The following LRTM1 variants were observed in gnomAD, a reference collection of about 807,000 sequenced individuals.
The protein encoded by LRTM1 is leucine-rich repeat and transmembrane domain-containing protein 1.
In LRTM1, 38 loss-of-function variants were observed where a neutral mutation model predicts 32.4. That is an observed-to-expected ratio of 1.17 (90% CI 0.91 to 1.54). The LOEUF is 1.54. Among genes scored for constraint, LRTM1 ranks in the 40% most tolerant of loss-of-function variants. The probability of loss-of-function intolerance (pLI) is 0.00; values close to 1 mark genes in which losing one functional copy is unlikely to be tolerated. For missense variants in LRTM1, 466 were observed against 415.4 expected, an observed-to-expected ratio of 1.12 and a Z score of -1.06; for synonymous variants, 186 against 169.9, an observed-to-expected ratio of 1.09 and a Z score of -0.74.
intron 1 of LRTM1, among the ~76,000 whole-genome samples, chr3:54,957,544 C>G (rs111530337): frequency 3.9e-5 from 6 of 152,128 alleles, no homozygotes; most frequent in African/African-American, 1.4e-4. Flanking sequence ...TACTTGGAAG[C>G]CAAAGCATGT....
chr3:54,932,691 A>G (rs1028855227), upstream of LRTM1, among the ~76,000 whole-genome samples: 49 of 152,196 alleles, frequency 3.2e-4, no homozygotes, highest in African/African-American at 1.2e-3. Flanking sequence ...ATGAGCCCTT[A>G]TAACAAATAT....
chr3:54,963,370 G>C (rs1042941302), intron 1 of LRTM1, among the ~76,000 whole-genome samples: 12 of 152,070 alleles, frequency 7.9e-5, no homozygotes, highest in Admixed American at 1.3e-4. Context: ...GGGATCACTG[G>C]TCATCGTCCA....
chr3:54,961,203 A>G (rs1246174832), intron 1 of LRTM1, among the ~76,000 whole-genome samples: 1 of 152,246 alleles, frequency 6.6e-6, no homozygotes, highest in Non-Finnish European at 1.5e-5. Context: ...CATGGTGCAC[A>G]AAGAAATAAA....
In LRTM1 at chr3:54,918,562, G is replaced by T. The variant is rs1575371773; in HGVS notation, c.935C>A (p.Thr312Asn). The T allele has an allele frequency of 6.2e-7, 1 of 1,613,928 alleles. No homozygotes were observed. Among genetic ancestry groups the T allele is most frequent in the East Asian group, 2.2e-5 (1 of 44,852 alleles). ...MMLAAAIYGC[T>N]YAAITAQYHG... Reference sequence around the variant, plus strand: ...GTACTGGGCTGTGATTGCCGCATAGGTGCAGCCATAGATGGCAGCTGCCAA... The same window carrying T: ...GTACTGGGCTGTGATTGCCGCATAGTTGCAGCCATAGATGGCAGCTGCCAA... The change falls in exon 3 of 3, where the codon ACC becomes AAC. Residue 312 changes from threonine (T) to asparagine (N), a missense_variant. Physicochemically the swap from Thr to Asn is moderately conservative, Grantham distance 65. Coordinates refer to ENST00000273286, the MANE Select transcript of LRTM1 (RefSeq NM_020678.4).
intron 1 of LRTM1, among the ~76,000 whole-genome samples, chr3:54,934,967 ACCTCAAGTGAT>A (rs1325717143): frequency 6.6e-6 from 1 of 152,162 alleles, no homozygotes; most frequent in Non-Finnish European, 1.5e-5. Context: ...CGAACTCCTG[ACCTCAAGTGAT>A]CCACCCGCCT....
chr3:54,961,155 T>C (rs1164911116), intron 1 of LRTM1, among the ~76,000 whole-genome samples: 1 of 152,240 alleles, frequency 6.6e-6, no homozygotes, highest in African/African-American at 2.4e-5. Context: ...AATCCAAACA[T>C]GCCAGGCCTT....
chr3:54,962,614 G>A (rs1031339420), intron 1 of LRTM1, among the ~76,000 whole-genome samples: 2 of 152,202 alleles, frequency 1.3e-5, no homozygotes, highest in Non-Finnish European at 2.9e-5. Context: ...AGACAGAGAG[G>A]TAAAGTGACA....
intron 1 of LRTM1, among the ~76,000 whole-genome samples, chr3:54,935,473 C>A (rs148690445): frequency 1.3e-5 from 2 of 152,118 alleles, no homozygotes; most frequent in Non-Finnish European, 1.5e-5. Context: ...AAGAAACAAA[C>A]GGATCAAGAA....
upstream of LRTM1, among the ~76,000 whole-genome samples, chr3:54,930,298 A>G (rs994843570): frequency 3.9e-5 from 6 of 152,094 alleles, no homozygotes; most frequent in African/African-American, 9.7e-5. Context: ...TGCCTCATCT[A>G]TCAAATGAGG....
At chr3:54,933,094 TTCCTTCCTTCC>T (rs1701241833) in intron 1 of LRTM1, among the ~76,000 whole-genome samples, 1 of 145,776 alleles carries the variant, frequency 6.9e-6, no homozygotes, top group Non-Finnish European at 1.5e-5. Context: ...CCTTCCTTCC[TTCCTTCCTTCC>T]TTCCTTCCTT....
At chr3:54,932,747 C>G (rs544822754), upstream of LRTM1, among the ~76,000 whole-genome samples, 1 of 152,322 alleles carries the variant, frequency 6.6e-6, no homozygotes, top group Admixed American at 6.5e-5. Context: ...AAGTCATGGC[C>G]AAGTGCTCCT....
Position 54,925,186 on chromosome 3 carries a change from C to A in LRTM1, c.37G>T (p.Val13Phe). 1 of 1,613,120 alleles carries A rather than the reference C, an allele frequency of 6.2e-7. No individual in the cohort carries two copies. Among genetic ancestry groups the A allele is most frequent in the Non-Finnish European group, 8.5e-7 (1 of 1,179,232 alleles). The change falls in exon 2 of 3, where the codon GTC becomes TTC. Residue 13 changes from valine to phenylalanine, a missense_variant. Physicochemically the swap from Val to Phe is conservative, Grantham distance 50. Coordinates refer to ENST00000273286, the MANE Select transcript of LRTM1 (RefSeq NM_020678.4). ...GELLLFSSVI[V>F]LLQVVCSCPD... ...CAGCTGCATACCACCTGGAGCAGGA[C>A]AATCACACTGGAAAACAGGAGCAGT... is the stretch of plus-strand genomic sequence containing the variant.
In LRTM1 at chr3:54,958,489, G is replaced by C. The variant is rs1342896582; in HGVS notation, c.-222+8439C>G. 2.6e-5 allele frequency among the ~76,000 whole-genome samples: 4 copies of C among 152,226 alleles called. No homozygotes were observed. The East Asian group carries it at 5.8e-4, about 22-fold the overall frequency. On this transcript the variant is annotated intron_variant, in intron 1 of 2. Transcript: ENST00000493075. ...GATAGTCTTAGAAGTGTCTCAGAAA[G>C]AGGAAGCCAGGGTGGATATTTACAG...
intron 2 of LRTM1, among the ~76,000 whole-genome samples, chr3:54,922,462 C>A (rs1700880997): frequency 6.6e-6 from 1 of 151,986 alleles, no homozygotes; most frequent in Admixed American, 6.6e-5. Context: ...TATTTGTAAC[C>A]TCTTATAAGG....
At chr3:54,919,408 A>G (rs1700770684) in intron 2 of LRTM1, among the ~76,000 whole-genome samples, 1 of 152,238 alleles carries the variant, frequency 6.6e-6, no homozygotes, top group South Asian at 2.1e-4. Context: ...GAGAGGTGGA[A>G]TGGTCTTGGA....
intron 1 of LRTM1, among the ~76,000 whole-genome samples, chr3:54,955,726 C>G (rs765568203): frequency 6.6e-6 from 1 of 152,198 alleles, no homozygotes; most frequent in East Asian, 1.9e-4. Context: ...CTCTGTCTAC[C>G]GAGGGGGCTT....
upstream of LRTM1, among the ~76,000 whole-genome samples, chr3:54,929,471 G>A (rs536566430): frequency 7.3e-4 from 111 of 152,276 alleles, 1 homozygote; most frequent in South Asian, 6.2e-3. Context: ...GTGAATGGAA[G>A]TTGAAAACAT....
intron 1 of LRTM1, among the ~76,000 whole-genome samples, chr3:54,965,455 C>T (rs1702126651): frequency 6.6e-6 from 1 of 152,162 alleles, no homozygotes; most frequent in South Asian, 2.1e-4. Flanking sequence ...CTCCATGCCT[C>T]ACCTTACACA....
chr3:54,927,918 G>C lies in LRTM1; in HGVS notation c.-7C>G. Reference sequence around the variant, plus strand: ...ATCAGGGCTCACCTTTCATGACTGAGTCTCCTTGGGCGTCCTTGCTGACCT... The same window carrying C: ...ATCAGGGCTCACCTTTCATGACTGACTCTCCTTGGGCGTCCTTGCTGACCT... On this transcript the variant is annotated 5_prime_UTR_variant, in exon 1 of 3. Transcript: ENST00000273286. 6.2e-7 allele frequency: 1 copy of C among 1,613,652 alleles called. No homozygotes were observed. Among genetic ancestry groups the C allele is most frequent in the Non-Finnish European group, 8.5e-7 (1 of 1,179,680 alleles).
Sources: gnomAD v4.1 joint callset for allele counts (sites outside exome capture counted in the v4.1 genomes callset) on GRCh38, gnomAD v4.1.1 for gene constraint, MANE v1.5 for transcripts, NCBI Gene and HGNC (gene_info 2026-07-23, HGNC 2026-07-21) for gene names.